The following NCOA1 variants were observed in gnomAD, a reference collection of about 807,000 sequenced individuals.
The protein encoded by NCOA1 is nuclear receptor coactivator 1.
In NCOA1, 35 loss-of-function variants were observed where a neutral mutation model predicts 150.9. The ratio of observed to expected loss-of-function variants is 0.23; its 90% CI spans 0.18 to 0.31. The LOEUF (loss-of-function observed/expected upper bound fraction) is 0.31, where lower values mean the gene tolerates loss of function less well. NCOA1 is among the 10% of genes least tolerant of loss of function. The pLI, the probability that NCOA1 is intolerant of heterozygous loss-of-function variation, is 1.00. For synonymous variants in NCOA1, 590 were observed against 630.0 expected, an observed-to-expected ratio of 0.94 and a Z score of 0.95; for missense variants, 1,491 against 1,749.3, an observed-to-expected ratio of 0.85 and a Z score of 2.63.
chr2:24,710,057 C>T (rs574459214), intron 13 of NCOA1, among the ~76,000 whole-genome samples: 22 of 151,650 alleles, frequency 1.5e-4, no homozygotes, highest in African/African-American at 5.3e-4. Flanking sequence ...GTAGGAACTC[C>T]CTATTTATTC....
chr2:24,685,681 C>T (rs956801565), intron 8 of NCOA1, among the ~76,000 whole-genome samples: 5 of 152,102 alleles, frequency 3.3e-5, no homozygotes, highest in African/African-American at 4.8e-5. Flanking sequence ...TAGGCCTCAT[C>T]GTTGGTAGGA....
intron 8 of NCOA1, among the ~76,000 whole-genome samples, chr2:24,690,615 G>T (rs1336615964): frequency 3.5e-5 from 4 of 114,650 alleles, no homozygotes; most frequent in Non-Finnish European, 5.0e-5. Context: ...TCACACCATT[G>T]CACTCCAGCA....
chr2:24,550,715 G>A (rs1220645555), intron 1 of NCOA1, among the ~76,000 whole-genome samples: 2 of 152,226 alleles, frequency 1.3e-5, no homozygotes, highest in East Asian at 3.8e-4. Context: ...TAGTAAACAA[G>A]GGAAGGGAGC....
At chr2:24,684,481 C>T (rs1672315658) in intron 8 of NCOA1, among the ~76,000 whole-genome samples, 1 of 152,214 alleles carries the variant, frequency 6.6e-6, no homozygotes, top group Non-Finnish European at 1.5e-5. Context: ...CCCCAAATCA[C>T]TGCCAGTAGA....
chr2:24,760,306 ATTTTTT>A (rs70947842), intron 21 of NCOA1, among the ~76,000 whole-genome samples: 112 of 99,740 alleles, frequency 1.1e-3, no homozygotes, highest in African/African-American at 3.8e-3. Flanking sequence ...TGCCCGGCTA[ATTTTTT>A]TTTTTTTTTT....
In NCOA1 at chr2:24,706,707, A is replaced by G. The variant is rs1255497258; in HGVS notation, c.1237A>G (p.Met413Val). 3 of 1,614,050 alleles carry G rather than the reference A, an allele frequency of 1.9e-6. No individual in the cohort carries two copies. In the African/African-American group the frequency reaches 4.0e-5, roughly 22 times the overall value. The change falls in exon 13 of 23, where the codon ATG becomes GTG. Residue 413 changes from methionine (M) to valine (V), a missense_variant. Met to Val is a conservative substitution (Grantham distance 21). This residue lies in a region of NCOA1 where 703 missense variants were observed against 717.7 expected (regional missense o/e 0.98). Coordinates refer to ENST00000348332, the MANE Select transcript of NCOA1 (RefSeq NM_003743.5). ...CACATTGCCACCATCCAACAGCAAC[A>G]TGGTATCCACCAGAATAAACCGCCA... ...SSTLPPSNSN[M>V]VSTRINRQQS...
At chr2:24,553,089 G>C (rs188351892) in intron 1 of NCOA1, among the ~76,000 whole-genome samples, 1 of 152,136 alleles carries the variant, frequency 6.6e-6, no homozygotes, top group African/African-American at 2.4e-5. Flanking sequence ...AGGAGACAAC[G>C]TTTAATCTTT....
chr2:24,497,507 AC>A (rs948955003), intron 1 of NCOA1, among the ~76,000 whole-genome samples: 6 of 152,144 alleles, frequency 3.9e-5, no homozygotes, highest in African/African-American at 1.4e-4. Context: ...CCCTGTCTCT[AC>A]TAAAAATACA....
intron 3 of NCOA1, among the ~76,000 whole-genome samples, chr2:24,601,717 C>T (rs1481504367): frequency 6.6e-6 from 1 of 151,964 alleles, no homozygotes; most frequent in Middle Eastern, 3.2e-3. Flanking sequence ...ACTGTAACCT[C>T]CGCCTCCTGG....
intron 1 of NCOA1, among the ~76,000 whole-genome samples, chr2:24,537,247 C>T (rs1232048400): frequency 6.7e-6 from 1 of 150,012 alleles, no homozygotes; most frequent in East Asian, 1.9e-4. Flanking sequence ...CATACACACA[C>T]ACACACACAC....
chr2:24,724,208 C>CG (rs1214714256), intron 14 of NCOA1, among the ~76,000 whole-genome samples: 5 of 152,022 alleles, frequency 3.3e-5, no homozygotes, highest in African/African-American at 4.8e-5. Context: ...ATAGCTTGAT[C>CG]GGGGGATCCC....
At chr2:24,761,412 A>G (rs529550116) in intron 21 of NCOA1, among the ~76,000 whole-genome samples, 1 of 152,102 alleles carries the variant, frequency 6.6e-6, no homozygotes, top group South Asian at 2.1e-4. Context: ...TGTATTTTTC[A>G]TCTCAGACAT....
At chr2:24,721,473 C>G (rs1674354539) in intron 14 of NCOA1, among the ~76,000 whole-genome samples, 1 of 152,148 alleles carries the variant, frequency 6.6e-6, no homozygotes, top group South Asian at 2.1e-4. Context: ...AAGTGAGAAG[C>G]CCTTTTCCCC....
intron 3 of NCOA1, among the ~76,000 whole-genome samples, chr2:24,632,232 C>T (rs1355535889): frequency 2.0e-5 from 3 of 152,104 alleles, no homozygotes; most frequent in East Asian, 3.9e-4. Context: ...TCTCACTAAA[C>T]TTGAGAAAGC....
chr2:24,760,393 A>G (rs55981790), intron 21 of NCOA1, among the ~76,000 whole-genome samples: 52 of 142,362 alleles, frequency 3.7e-4, no homozygotes, highest in African/African-American at 1.3e-3. Context: ...TCCTGACATC[A>G]TGTTCTGCCC....
At chr2:24,642,037 T>TGTGTGTGTGTGTGTGTGTGTGTGCGCGC (rs942145000) in intron 3 of NCOA1, among the ~76,000 whole-genome samples, 104 of 138,546 alleles carry the variant, frequency 7.5e-4, no homozygotes, top group Non-Finnish European at 1.2e-3. Context: ...TGTGTGTGTG[T>TGTGTGTGTGTGTGTGTGTGTGTGCGCGC]GCGCGCGTGC....
At chr2:24,537,237 CAT>C (rs201850786) in intron 1 of NCOA1, among the ~76,000 whole-genome samples, 4 of 62,376 alleles carry the variant, frequency 6.4e-5, no homozygotes, top group South Asian at 6.1e-4. Context: ...AACTGTGATA[CAT>C]ACACACACAC....
At chr2:24,651,967 T>G (rs1416638272) in intron 4 of NCOA1, among the ~76,000 whole-genome samples, 8 of 152,116 alleles carry the variant, frequency 5.3e-5, no homozygotes, top group Admixed American at 5.2e-4. Context: ...TGTGGAAAAC[T>G]GGCTTTGATA....
intron 3 of NCOA1, among the ~76,000 whole-genome samples, chr2:24,633,096 A>G (rs1262863356): frequency 1.3e-5 from 2 of 152,178 alleles, no homozygotes; most frequent in African/African-American, 2.4e-5. Flanking sequence ...GTACATACAT[A>G]TATACATATA....
Sources: gnomAD v4.1 joint callset for allele counts (sites outside exome capture counted in the v4.1 genomes callset) on GRCh38, gnomAD v4.1.1 for gene constraint, gnomAD v4.1.1 regional missense constraint, MANE v1.5 for transcripts, NCBI Gene and HGNC (gene_info 2026-07-23, HGNC 2026-07-21) for gene names.